The following XYLB variants were observed in gnomAD, a reference collection of about 807,000 sequenced individuals.
The protein encoded by XYLB is xylulose kinase.
A neutral mutation model predicts 78.7 loss-of-function variants in XYLB; 62 were observed. The ratio of observed to expected loss-of-function variants is 0.79; its 90% CI spans 0.64 to 0.97. The LOEUF is 0.97. Among genes scored for constraint, XYLB ranks in the 50% least tolerant of loss-of-function variants. The probability of loss-of-function intolerance (pLI) is 0.00; values close to 1 mark genes in which losing one functional copy is unlikely to be tolerated. For missense variants in XYLB, 687 were observed against 676.8 expected, an observed-to-expected ratio of 1.02 and a Z score of -0.17; for synonymous variants, 245 against 247.4, an observed-to-expected ratio of 0.99 and a Z score of 0.09.
At chr3:38,397,042 A>C in intron 16 of XYLB, 30 bp from the exon 17 acceptor site, 1 of 1,610,404 alleles carries the variant, frequency 6.2e-7, no homozygotes, top group South Asian at 1.1e-5. Context: ...GGAATGGCTC[A>C]CCACAGTAGA....
intron 18 of XYLB, among the ~76,000 whole-genome samples, chr3:38,406,055 G>C (rs1708307603): frequency 6.6e-6 from 1 of 152,224 alleles, no homozygotes; most frequent in Non-Finnish European, 1.5e-5. Flanking sequence ...CACACCTCTG[G>C]AGATCTGAGA....
chr3:38,384,631 C>A (rs1451795268), intron 15 of XYLB, among the ~76,000 whole-genome samples: 1 of 152,176 alleles, frequency 6.6e-6, no homozygotes, highest in Non-Finnish European at 1.5e-5. Flanking sequence ...AAGATTCATG[C>A]AAAACAGAAA....
downstream of XYLB, among the ~76,000 whole-genome samples, chr3:38,415,150 C>G (rs1014778758): frequency 1.3e-5 from 2 of 152,172 alleles, no homozygotes; most frequent in Non-Finnish European, 2.9e-5. Context: ...AAGGAAAGAC[C>G]TGGTTGGCCT....
chr3:38,359,954 G>T (rs1705877579), intron 2 of XYLB, among the ~76,000 whole-genome samples: 1 of 152,152 alleles, frequency 6.6e-6, no homozygotes, highest in South Asian at 2.1e-4. Context: ...TTGTTGGTCT[G>T]TTGTGATAGT....
chr3:38,443,315 G>C, the XYLB span, among the ~76,000 whole-genome samples: 1 of 152,194 alleles, frequency 6.6e-6, no homozygotes, highest in African/African-American at 2.4e-5. Flanking sequence ...TGTTGGATCG[G>C]CTGGTTGGGG....
At chr3:38,424,565 G>T (rs1483460168), downstream of XYLB, among the ~76,000 whole-genome samples, 1 of 152,084 alleles carries the variant, frequency 6.6e-6, no homozygotes, top group African/African-American at 2.4e-5. Context: ...TTTACAGATG[G>T]GTCTAGTAAT....
intron 1 of XYLB, among the ~76,000 whole-genome samples, chr3:38,347,892 A>G (rs1050673441): frequency 1.3e-5 from 2 of 152,166 alleles, no homozygotes; most frequent in Admixed American, 6.5e-5. Flanking sequence ...CCTTTAAAGT[A>G]CTTGGGAAAT....
the XYLB span, among the ~76,000 whole-genome samples, chr3:38,430,646 T>A: frequency 6.6e-6 from 1 of 152,226 alleles, no homozygotes; most frequent in South Asian, 2.1e-4. Context: ...ATGTCCTGAA[T>A]GGTATTGCCC....
At chr3:38,441,849 T>A in the XYLB span, among the ~76,000 whole-genome samples, 1 of 152,326 alleles carries the variant, frequency 6.6e-6, no homozygotes, top group Non-Finnish European at 1.5e-5. Context: ...CCCACGAGTC[T>A]GAGTAAGGAC....
the XYLB span, among the ~76,000 whole-genome samples, chr3:38,431,998 C>G: frequency 2.0e-5 from 3 of 152,262 alleles, no homozygotes; most frequent in South Asian, 4.1e-4. Flanking sequence ...GAGGTACAGG[C>G]ATTGGGTAAA....
At chr3:38,408,834 A>G (rs1708447960) in intron 18 of XYLB, among the ~76,000 whole-genome samples, 1 of 152,248 alleles carries the variant, frequency 6.6e-6, no homozygotes, top group Non-Finnish European at 1.5e-5. Context: ...AGACTAAACC[A>G]GGAAGAAGTT....
intron 17 of XYLB, among the ~76,000 whole-genome samples, chr3:38,398,012 G>A (rs1454945037): frequency 3.3e-5 from 5 of 151,052 alleles, no homozygotes; most frequent in Non-Finnish European, 5.9e-5. Context: ...TAGAGGAGGG[G>A]TTTCACTGTG....
intron 2 of XYLB, among the ~76,000 whole-genome samples, chr3:38,352,887 C>T (rs1705443051): frequency 6.6e-6 from 1 of 152,100 alleles, no homozygotes; most frequent in African/African-American, 2.4e-5. Flanking sequence ...GAGAGATGAG[C>T]TCACAGGTGG....
the XYLB span, among the ~76,000 whole-genome samples, chr3:38,444,967 C>T: frequency 6.6e-6 from 1 of 152,078 alleles, no homozygotes; most frequent in Admixed American, 6.6e-5. Context: ...TTCTTGAAAA[C>T]CTGCACCCTT....
intron 18 of XYLB, among the ~76,000 whole-genome samples, chr3:38,409,971 T>C (rs976594853): frequency 7.9e-5 from 12 of 152,286 alleles, no homozygotes; most frequent in South Asian, 6.2e-4. Context: ...AGGTAATTTA[T>C]AGATTCAATG....
intron 18 of XYLB, among the ~76,000 whole-genome samples, chr3:38,405,026 G>A (rs1708256553): frequency 6.6e-6 from 1 of 152,138 alleles, no homozygotes. Context: ...CAGCCACAGG[G>A]AAAACTGCTT....
downstream of XYLB, among the ~76,000 whole-genome samples, chr3:38,426,170 T>C (rs1236972664): frequency 2.0e-5 from 3 of 152,218 alleles, no homozygotes; most frequent in African/African-American, 7.2e-5. Flanking sequence ...GCAGACTATG[T>C]AAATAATTGG....
the XYLB span, among the ~76,000 whole-genome samples, chr3:38,438,478 T>C: frequency 6.6e-6 from 1 of 152,144 alleles, no homozygotes; most frequent in Non-Finnish European, 1.5e-5. Flanking sequence ...AATACTAACA[T>C]CATTGTTCAC....
chr3:38,452,006 C>T, the XYLB span: 1 of 152,108 alleles, frequency 6.6e-6, no homozygotes, highest in Non-Finnish European at 1.5e-5. Context: ...GGATAAAAGT[C>T]GATACCTTTC....
Sources: allele counts gnomAD v4.1 joint callset (sites outside exome capture counted in the v4.1 genomes callset), GRCh38; gene constraint gnomAD v4.1.1; transcripts MANE v1.5; gene names NCBI Gene and HGNC (gene_info 2026-07-23, HGNC 2026-07-21).